The following TMCC2 variants were observed in gnomAD, a reference collection of about 807,000 sequenced individuals.
The protein encoded by TMCC2 is transmembrane and coiled-coil domains protein 2.
In TMCC2, 16 loss-of-function variants were observed where a neutral mutation model predicts 49.4. The observed-to-expected ratio is 0.32, with a 90% CI of 0.22 to 0.49. The LOEUF (loss-of-function observed/expected upper bound fraction) is 0.49, where lower values mean the gene tolerates loss of function less well. TMCC2 is among the 20% of genes least tolerant of loss of function. TMCC2 has a pLI of 0.99. For missense variants in TMCC2, 762 were observed against 989.8 expected, an observed-to-expected ratio of 0.77 and a Z score of 3.09; for synonymous variants, 397 against 434.1, an observed-to-expected ratio of 0.91 and a Z score of 1.06.
intron 1 of TMCC2, among the ~76,000 whole-genome samples, chr1:205,235,881 A>G (rs1171473497): frequency 1.3e-5 from 2 of 152,124 alleles, no homozygotes; most frequent in Admixed American, 6.6e-5. Flanking sequence ...CAGCCTGGCC[A>G]GCATGGTGAA....
Position 205,228,068 on chromosome 1 carries a change from T to C in TMCC2, c.-497T>C, listed in dbSNP as rs1304122597. ...CGCTGCGGGCTCCGCGGCCGGACCA[T>C]GCGGGGCAGGGGCCGGTTGCAGGGC... On this transcript the variant is annotated 5_prime_UTR_variant, in exon 1 of 5. An upstream start codon of the reference 5' UTR is lost. Transcript: ENST00000358024. 2.7e-5 allele frequency: 4 copies of C among 146,526 alleles called. No homozygotes were observed. The highest frequency in any genetic ancestry group is 6.8e-5 in the Admixed American group (1 of 14,790). The allele number at this position is 146,526 out of a possible 1,614,324, so 9.1% of individuals were successfully genotyped here. A position where few individuals can be genotyped will look rare whatever the true frequency, so the allele number is the denominator to read the frequency against.
intron 2 of TMCC2, among the ~76,000 whole-genome samples, chr1:205,252,673 A>G (rs1660711895): frequency 6.6e-6 from 1 of 152,168 alleles, no homozygotes; most frequent in Non-Finnish European, 1.5e-5. Context: ...TTCACAGCAC[A>G]TTTGGGGCCT....
At chr1:205,237,779 C>T (rs987329433) in intron 1 of TMCC2, among the ~76,000 whole-genome samples, 4 of 152,216 alleles carry the variant, frequency 2.6e-5, no homozygotes, top group Non-Finnish European at 5.9e-5. Flanking sequence ...GCCATCTAGT[C>T]CTCCCTTTTT....
At chr1:205,266,464 A>G (rs951592627) in intron 2 of TMCC2, among the ~76,000 whole-genome samples, 1 of 151,428 alleles carries the variant, frequency 6.6e-6, no homozygotes, top group African/African-American at 2.4e-5. Flanking sequence ...GTGGCGGCTC[A>G]TGCCTGTAAT....
Position 205,272,107 on chromosome 1 carries a change from G to T in TMCC2, c.2113G>T (p.Val705Leu). 6.2e-7 allele frequency: 1 copy of T among 1,612,742 alleles called. No homozygotes were observed. Among genetic ancestry groups the T allele is most frequent in the Non-Finnish European group, 8.5e-7 (1 of 1,178,882 alleles). The change falls in exon 5 of 5, where the codon GTG becomes TTG. Residue 705 changes from valine (V) to leucine (L), a missense_variant. Physicochemically the swap from Val to Leu is conservative, Grantham distance 32. Transcript: ENST00000358024. ...WDSLTYLLEH[V>L]LLPS is the part of the protein sequence containing the mutation. ...CTCCCTCACCTACCTCCTGGAGCAC[G>T]TGTTGCTGCCCAGCTGAGTGGCCAG...
At chr1:205,230,882 G>A (rs1440278131) in intron 1 of TMCC2, among the ~76,000 whole-genome samples, 1 of 151,336 alleles carries the variant, frequency 6.6e-6, no homozygotes, top group Non-Finnish European at 1.5e-5. Flanking sequence ...GGCAGATGTA[G>A]TAACAACTTT....
intron 4 of TMCC2, 156 bp downstream of exon 4, chr1:205,271,411 A>T (rs1163135433): frequency 5.4e-5 from 67 of 1,245,428 alleles, no homozygotes; most frequent in Non-Finnish European, 7.5e-5. Flanking sequence ...GCGTAGCGGG[A>T]GCGGAGTGGA....
chr1:205,247,008 C>A (rs2102557383), intron 2 of TMCC2, among the ~76,000 whole-genome samples: 1 of 152,150 alleles, frequency 6.6e-6, no homozygotes, highest in Non-Finnish European at 1.5e-5. Context: ...GGGAGGAACT[C>A]TTTTTTTGCT....
intron 1 of TMCC2, among the ~76,000 whole-genome samples, chr1:205,233,201 T>C (rs1395551975): frequency 5.9e-4 from 90 of 152,156 alleles, no homozygotes; most frequent in Non-Finnish European, 5.9e-5. Context: ...GCCATGGGCT[T>C]TCCCCCTGGA....
chr1:205,270,643 A>C (rs1472003075), intron 3 of TMCC2, among the ~76,000 whole-genome samples: 1 of 152,146 alleles, frequency 6.6e-6, no homozygotes, highest in African/African-American at 2.4e-5. Flanking sequence ...ACCACTCCTC[A>C]CATAACAGTC....
chr1:205,267,802 G>A, intron 2 of TMCC2: 1 of 880,916 alleles, frequency 1.1e-6, no homozygotes. Context: ...CCGCCTGGTG[G>A]GGAGTGAAGG....
chr1:205,254,080 G>T (rs899671018), intron 2 of TMCC2, among the ~76,000 whole-genome samples: 2 of 152,172 alleles, frequency 1.3e-5, no homozygotes, highest in African/African-American at 2.4e-5. Context: ...CTGCTTTGTA[G>T]TTGCTCCTGC....
chr1:205,267,594 C>T (rs1661394216), intron 2 of TMCC2, among the ~76,000 whole-genome samples: 1 of 152,192 alleles, frequency 6.6e-6, no homozygotes, highest in African/African-American at 2.4e-5. Flanking sequence ...GATCCTCCAA[C>T]AGGCTGAGAG....
rs1339183449 is a variant in TMCC2, at chr1:205,242,438, TAA to T, written c.747+395_747+396del. On this transcript the variant is annotated intron_variant, in intron 2 of 4. Coordinates refer to ENST00000358024, the MANE Select transcript of TMCC2 (RefSeq NM_014858.4). ...TTTCACCAATTGAAAATGAGGATAA[TAA>T]TAGTACAGTTGTAGGACTAAATGAG... Among the ~76,000 whole-genome samples the T allele has an allele frequency of 9.7e-4, 147 of 152,308 alleles. 2 individuals are homozygous for T. Among genetic ancestry groups the T allele is most frequent in the African/African-American group, 3.3e-3 (139 of 41,570 alleles).
chr1:205,256,366 G>A, intron 2 of TMCC2: 1 of 1,551,020 alleles, frequency 6.4e-7, no homozygotes, highest in Non-Finnish European at 8.7e-7. Flanking sequence ...GCCACTCACA[G>A]AATTTCCTGC....
At chr1:205,242,480 A>G (rs979313923) in intron 2 of TMCC2, among the ~76,000 whole-genome samples, 2 of 152,218 alleles carry the variant, frequency 1.3e-5, no homozygotes, top group African/African-American at 4.8e-5. Flanking sequence ...TATATGTAAA[A>G]TACTTGGAAT....
chr1:205,253,054 G>GC (rs1295212895), intron 2 of TMCC2, among the ~76,000 whole-genome samples: 1 of 151,816 alleles, frequency 6.6e-6, no homozygotes, highest in African/African-American at 2.4e-5. Flanking sequence ...GATCATTTGA[G>GC]CCCCCCAGAG....
intron 2 of TMCC2, chr1:205,257,469 C>T: frequency 1.8e-6 from 2 of 1,129,642 alleles, no homozygotes; most frequent in Non-Finnish European, 2.2e-6. Flanking sequence ...GCTGTGCTTA[C>T]ACTCCAGTCT....
In TMCC2 at chr1:205,228,590, T is replaced by TGCA. The variant is rs2102510058; in HGVS notation, c.30_32dup (p.Gln13dup). ...ATGAAGAGGTGCAGATCGGACGAGCTGCAGCAACAACAGGGCGAGGAGGAT... is the reference window on the plus strand; with the variant it reads ...ATGAAGAGGTGCAGATCGGACGAGCTGCAGCAGCAACAACAGGGCGAGGAGGAT... On this transcript the variant is annotated inframe_insertion, in exon 1 of 5. Transcript: ENST00000358024. The TGCA allele has an allele frequency of 1.2e-6, 2 of 1,611,388 alleles. No individual in the cohort carries two copies. The highest frequency in any genetic ancestry group is 1.7e-6 in the Non-Finnish European group (2 of 1,178,356).
Sources: gnomAD v4.1 joint callset for allele counts (sites outside exome capture counted in the v4.1 genomes callset) on GRCh38, gnomAD v4.1.1 for gene constraint, MANE v1.5 for transcripts, NCBI Gene and HGNC (gene_info 2026-07-23, HGNC 2026-07-21) for gene names.